Variants in MCPH1 observed in about 807,000 individuals in gnomAD.
The protein encoded by MCPH1 is microcephalin 1.
Under a neutral mutation model 84.5 loss-of-function variants are expected in MCPH1, and 104 were observed. That is an observed-to-expected ratio of 1.23 (90% CI 1.05 to 1.45). The LOEUF (loss-of-function observed/expected upper bound fraction) is 1.45, where lower values mean the gene tolerates loss of function less well. MCPH1 is among the 40% of genes most tolerant of loss of function. The pLI is 0.00. For synonymous variants in MCPH1, 514 were observed against 366.8 expected (o/e 1.40, Z -4.58); for missense variants, 1,498 against 1,005.7 (o/e 1.49, Z -6.62).
At chr8:6,504,304 T>A (rs560368080) in intron 12 of MCPH1, among the ~76,000 whole-genome samples, 1 of 113,512 alleles carries the variant, frequency 8.8e-6, no homozygotes. Context: ...GGCGACAGAG[T>A]GAGACTCCAG....
intron 13 of MCPH1, chr8:6,627,439 A>T (rs1796822781): frequency 9.4e-6 from 2 of 212,582 alleles, no homozygotes; most frequent in South Asian, 3.3e-4. Flanking sequence ...CGCTCAGAAA[A>T]TGTTTGTGGA....
chr8:6,546,389 G>A (rs1407406886), intron 12 of MCPH1, among the ~76,000 whole-genome samples: 2 of 152,208 alleles, frequency 1.3e-5, no homozygotes, highest in African/African-American at 4.8e-5. Context: ...TTTGTGAAAA[G>A]CAAGTGCTAC....
At chr8:6,521,388 C>A in intron 12 of MCPH1, 2 of 1,611,020 alleles carry the variant, frequency 1.2e-6, no homozygotes, top group South Asian at 2.2e-5. Flanking sequence ...TCTTCCATAG[C>A]TAGCACCTTC....
intron 12 of MCPH1, among the ~76,000 whole-genome samples, chr8:6,578,528 A>G (rs1280588414): frequency 1.3e-5 from 2 of 152,270 alleles, no homozygotes; most frequent in East Asian, 1.9e-4. Flanking sequence ...TTTTCTAAAC[A>G]TAACCAAAAT....
chr8:6,639,038 C>G lies in MCPH1; in HGVS notation c.2453-3956C>G, dbSNP rs148906473. ...GGCCATGAGAGGTGTAAGGTACAGA[C>G]TTTGTTGTGAGGTTACATGTAGGCT... is the stretch of plus-strand genomic sequence containing the variant. On this transcript the variant is annotated intron_variant, in intron 13 of 13. Coordinates refer to ENST00000344683, the MANE Select transcript of MCPH1 (RefSeq NM_024596.5). 4.1e-4 allele frequency among the ~76,000 whole-genome samples: 63 copies of G among 152,298 alleles called. 1 individual carries two copies. In the Middle Eastern group the frequency reaches 0.027, roughly 66 times the overall value.
At chr8:6,631,100 C>T (rs1238577886) in intron 13 of MCPH1, among the ~76,000 whole-genome samples, 2 of 152,202 alleles carry the variant, frequency 1.3e-5, no homozygotes, top group Non-Finnish European at 2.9e-5. Context: ...TCTTCAAGCC[C>T]GCAGGAAAGT....
intron 12 of MCPH1, among the ~76,000 whole-genome samples, chr8:6,574,371 A>G (rs1437604485): frequency 6.6e-6 from 1 of 151,906 alleles, no homozygotes; most frequent in Non-Finnish European, 1.5e-5. Flanking sequence ...CTTTTTATAA[A>G]GATGCAGTCA....
chr8:6,549,462 G>A (rs894039004), intron 12 of MCPH1, among the ~76,000 whole-genome samples: 1 of 152,226 alleles, frequency 6.6e-6, no homozygotes, highest in Non-Finnish European at 1.5e-5. Flanking sequence ...TATTGACGAG[G>A]AGGGGCCTGA....
chr8:6,531,580 C>G (rs916296637), intron 12 of MCPH1, among the ~76,000 whole-genome samples: 2 of 152,196 alleles, frequency 1.3e-5, no homozygotes, highest in African/African-American at 4.8e-5. Context: ...GCGTGAGCTA[C>G]TGCGCCTGGC....
intron 12 of MCPH1, among the ~76,000 whole-genome samples, chr8:6,605,703 T>C (rs754172765): frequency 4.1e-5 from 5 of 121,932 alleles, no homozygotes; most frequent in Non-Finnish European, 7.5e-5. Flanking sequence ...ATTTTTGTAA[T>C]CTTTTTTTTT....
At chr8:6,497,175 C>CT (rs1384331747) in intron 11 of MCPH1, among the ~76,000 whole-genome samples, 2 of 151,928 alleles carry the variant, frequency 1.3e-5, no homozygotes, top group East Asian at 3.9e-4. Flanking sequence ...TGTAATTATT[C>CT]TTTGAGAAAT....
intron 13 of MCPH1, among the ~76,000 whole-genome samples, chr8:6,642,402 G>A (rs980399060): frequency 1.3e-5 from 2 of 152,120 alleles, no homozygotes; most frequent in Admixed American, 6.5e-5. Context: ...TGGGCCAGGC[G>A]CAACTTGTGA....
intron 3 of MCPH1, among the ~76,000 whole-genome samples, chr8:6,430,019 A>T (rs145617560): frequency 2.6e-5 from 4 of 152,056 alleles, no homozygotes; most frequent in African/African-American, 9.7e-5. Context: ...TTTCCCCACA[A>T]TGTCACCCTG....
At chr8:6,642,943 C>T in intron 13 of MCPH1, 51 bp from the exon 14 acceptor site, 1 of 1,535,326 alleles carries the variant, frequency 6.5e-7, no homozygotes, top group Non-Finnish European at 9.0e-7. Context: ...TATCACTTTC[C>T]TATGTGGCTG....
chr8:6,444,411 G>C lies in MCPH1; in HGVS notation c.689G>C (p.Gly230Ala), dbSNP rs1297949384. 1 of 1,614,002 alleles carries C rather than the reference G, an allele frequency of 6.2e-7. No individual in the cohort carries two copies. Among genetic ancestry groups the C allele is most frequent in the Non-Finnish European group, 8.5e-7 (1 of 1,180,016 alleles). ...TTTCCAGATGAATACTTTGCTGGTG[G>C]CTTACACTCATCTTTTGATGATCTT... ...TLCSDEYFAG[G>A]LHSSFDDLCG... Residue 230 changes from glycine (G) to alanine (A), a missense_variant, in exon 8 of 14, where the codon GGC (glycine) becomes GCC (alanine). Coordinates refer to ENST00000344683, the MANE Select transcript of MCPH1 (RefSeq NM_024596.5).
At chr8:6,607,844 T>G (rs545028565) in intron 12 of MCPH1, among the ~76,000 whole-genome samples, 1 of 152,314 alleles carries the variant, frequency 6.6e-6, no homozygotes, top group South Asian at 2.1e-4. Flanking sequence ...TAAACTTCTT[T>G]CTCTTTATAA....
At position 6,626,346 on chromosome 8, in the gene MCPH1, A is replaced by ATGAT. The variant is rs1004260890; in HGVS notation, c.2452+4657_2452+4660dup. ...TAATAACGGGGTTATCGGAAAGGGCATGATTACGTTCCCTCTTCATTCCCT... is the reference window on the plus strand; with the variant it reads ...TAATAACGGGGTTATCGGAAAGGGCATGATTGATTACGTTCCCTCTTCATTCCCT... On this transcript the variant is annotated intron_variant, in intron 13 of 13. Coordinates refer to ENST00000344683, the MANE Select transcript of MCPH1 (RefSeq NM_024596.5). 11 of 985,162 alleles carry ATGAT rather than the reference A, an allele frequency of 1.1e-5. No individual in the cohort carries two copies. In the African/African-American group the frequency reaches 1.9e-4, roughly 17 times the overall value. 61.0% of individuals were successfully genotyped at this position (985,162 alleles called of 1,614,324 possible).
At chr8:6,542,869 A>AG (rs1821864572) in intron 12 of MCPH1, among the ~76,000 whole-genome samples, 1 of 152,194 alleles carries the variant, frequency 6.6e-6, no homozygotes, top group Non-Finnish European at 1.5e-5. Flanking sequence ...AAAAGGGAAA[A>AG]GGCTAGCGAA....
intron 12 of MCPH1, among the ~76,000 whole-genome samples, chr8:6,596,979 G>A (rs551857267): frequency 2.8e-4 from 42 of 152,242 alleles, no homozygotes; most frequent in East Asian, 3.9e-4. Flanking sequence ...TTAAATCAGC[G>A]GAGAATCTAA....
Sources: allele counts gnomAD v4.1 joint callset (sites outside exome capture counted in the v4.1 genomes callset), GRCh38; gene constraint gnomAD v4.1.1; transcripts MANE v1.5; gene names NCBI Gene and HGNC (gene_info 2026-07-23, HGNC 2026-07-21).